NYAP2: variants seen among roughly 807,000 people sequenced by gnomAD.
NYAP2 encodes neuronal tyrosine-phosphorylated phosphoinositide-3-kinase adapter 2.
Under a neutral mutation model 50.4 loss-of-function variants are expected in NYAP2, and 23 were observed. That is an observed-to-expected ratio of 0.46 (90% CI 0.33 to 0.65). The LOEUF is 0.65. NYAP2 is among the 30% of genes least tolerant of loss of function. The probability of loss-of-function intolerance (pLI) is 0.02; values close to 1 mark genes in which losing one functional copy is unlikely to be tolerated. For missense variants in NYAP2, 885 were observed against 861.0 expected (o/e 1.03, Z -0.35); for synonymous variants, 394 against 365.2 (o/e 1.08, Z -0.90).
At chr2:225,435,400 A>C (rs1464684486) in intron 3 of NYAP2, among the ~76,000 whole-genome samples, 1 of 152,118 alleles carries the variant, frequency 6.6e-6, no homozygotes, top group Non-Finnish European at 1.5e-5. Flanking sequence ...TGAAATGGAA[A>C]CTCTTGAGAG....
At chr2:225,486,512 G>A (rs1297978398) in intron 3 of NYAP2, among the ~76,000 whole-genome samples, 1 of 152,212 alleles carries the variant, frequency 6.6e-6, no homozygotes, top group East Asian at 1.9e-4. Context: ...CTGCTGCTGA[G>A]CTGGGCTTAT....
At chr2:225,464,560 C>T (rs1689885266) in intron 3 of NYAP2, among the ~76,000 whole-genome samples, 1 of 152,196 alleles carries the variant, frequency 6.6e-6, no homozygotes, top group South Asian at 2.1e-4. Context: ...AGCGCATGAG[C>T]CTGCTCACTT....
Position 225,463,233 on chromosome 2 carries a change from G to A in NYAP2, c.222-50138G>A, listed in dbSNP as rs146777062. 2.5e-3 allele frequency among the ~76,000 whole-genome samples: 387 copies of A among 152,350 alleles called. 2 individuals carry two copies. The highest frequency in any genetic ancestry group is 8.7e-3 in the African/African-American group (362 of 41,588). On this transcript the variant is annotated intron_variant, in intron 3 of 6. Transcript: ENST00000636099. ...CATAACAGGGTGAAAACCTTGAGCA[G>A]CCCTGTTTTCAGTGCTAGAGTGTGG...
intron 5 of NYAP2, among the ~76,000 whole-genome samples, chr2:225,597,118 G>A (rs1159533372): frequency 6.6e-6 from 1 of 152,002 alleles, no homozygotes; most frequent in Non-Finnish European, 1.5e-5. Flanking sequence ...TAAAAAAATA[G>A]ATCTGCCGTC....
chr2:225,619,341 T>G (rs1483455877), intron 5 of NYAP2, among the ~76,000 whole-genome samples: 1 of 152,220 alleles, frequency 6.6e-6, no homozygotes, highest in Non-Finnish European at 1.5e-5. Context: ...AGAATAGTGC[T>G]GCCAGTTTTA....
chr2:225,513,996 T>C (rs1210774865), intron 4 of NYAP2, among the ~76,000 whole-genome samples: 1 of 152,192 alleles, frequency 6.6e-6, no homozygotes, highest in Non-Finnish European at 1.5e-5. Flanking sequence ...ATTAAAGGTA[T>C]TATTATTTGA....
At chr2:225,516,208 GT>G (rs1440099439) in intron 4 of NYAP2, among the ~76,000 whole-genome samples, 1 of 152,106 alleles carries the variant, frequency 6.6e-6, no homozygotes, top group African/African-American at 2.4e-5. Context: ...GGGGCAGAGA[GT>G]ATCATAATTC....
intron 3 of NYAP2, among the ~76,000 whole-genome samples, chr2:225,460,820 C>T (rs1331424545): frequency 6.6e-6 from 1 of 151,732 alleles, no homozygotes; most frequent in Non-Finnish European, 1.5e-5. Context: ...TTATCCATTA[C>T]GTGGATAAGA....
chr2:225,537,870 A>G (rs962287474), intron 4 of NYAP2, among the ~76,000 whole-genome samples: 6 of 152,210 alleles, frequency 3.9e-5, no homozygotes, highest in African/African-American at 7.2e-5. Context: ...CCTAGATACA[A>G]TGGGGATACA....
chr2:225,466,774 A>C (rs1689925877), intron 3 of NYAP2, among the ~76,000 whole-genome samples: 1 of 152,146 alleles, frequency 6.6e-6, no homozygotes, highest in Non-Finnish European at 1.5e-5. Context: ...TATTGAGAGA[A>C]TTTGTATTTG....
the NYAP2 span, among the ~76,000 whole-genome samples, chr2:225,680,406 G>A: frequency 6.6e-6 from 1 of 152,128 alleles, no homozygotes; most frequent in Non-Finnish European, 1.5e-5. Context: ...GTCCAATTAT[G>A]AATGCCAAGT....
At chr2:225,685,054 C>T in the NYAP2 span, among the ~76,000 whole-genome samples, 4 of 152,174 alleles carry the variant, frequency 2.6e-5, no homozygotes, top group East Asian at 5.8e-4. Flanking sequence ...TTGGGAAATG[C>T]ATTCTAGTGA....
At chr2:225,513,428 C>A (rs767113828) in exon 4 of NYAP2, 7 of 1,613,882 alleles carry the variant, frequency 4.3e-6, no homozygotes, top group Non-Finnish European at 5.9e-6. Context: ...AACATTTCCG[C>A]ATGGGATTCA....
At chr2:225,521,077 CT>C in intron 4 of NYAP2, among the ~76,000 whole-genome samples, 1 of 141,522 alleles carries the variant, frequency 7.1e-6, no homozygotes, top group South Asian at 2.3e-4. Context: ...CTCTGTTTGT[CT>C]GTTCTTGGTG....
chr2:225,596,555 G>A (rs1692602639), intron 5 of NYAP2, among the ~76,000 whole-genome samples: 1 of 152,122 alleles, frequency 6.6e-6, no homozygotes, highest in South Asian at 2.1e-4. Flanking sequence ...TGGTCCCTGT[G>A]ACTGAATTTT....
intron 4 of NYAP2, among the ~76,000 whole-genome samples, chr2:225,549,615 T>C (rs1691638227): frequency 6.6e-6 from 1 of 152,166 alleles, no homozygotes; most frequent in African/African-American, 2.4e-5. Flanking sequence ...TTGATTGTCA[T>C]TAGAATAAAG....
chr2:225,453,375 CA>C (rs1689684134), intron 3 of NYAP2, among the ~76,000 whole-genome samples: 1 of 152,248 alleles, frequency 6.6e-6, no homozygotes, highest in Non-Finnish European at 1.5e-5. Context: ...AGATCTAATT[CA>C]AGGGGATTGG....
chr2:225,477,002 C>T (rs888035413), intron 3 of NYAP2, among the ~76,000 whole-genome samples: 3 of 152,002 alleles, frequency 2.0e-5, no homozygotes, highest in African/African-American at 7.2e-5. Flanking sequence ...CTTTAAGCCA[C>T]CACTGCCTAT....
intron 3 of NYAP2, among the ~76,000 whole-genome samples, chr2:225,504,873 TG>T (rs1690675139): frequency 6.6e-6 from 1 of 151,942 alleles, no homozygotes; most frequent in Admixed American, 6.6e-5. Flanking sequence ...CTGGGTATGG[TG>T]GTGTCTGCCT....
Sources: gnomAD v4.1 joint callset for allele counts (sites outside exome capture counted in the v4.1 genomes callset) on GRCh38, gnomAD v4.1.1 for gene constraint, MANE v1.5 for transcripts, NCBI Gene and HGNC (gene_info 2026-07-23, HGNC 2026-07-21) for gene names.